Variants in SLC2A13 observed in about 807,000 individuals in gnomAD.
The protein encoded by SLC2A13 is solute carrier family 2 member 13, also known as proton myo-inositol cotransporter.
A neutral mutation model predicts 64.4 loss-of-function variants in SLC2A13; 32 were observed. The observed-to-expected ratio is 0.50, with a 90% CI of 0.37 to 0.67. SLC2A13 has a LOEUF of 0.67. Ranked by LOEUF, SLC2A13 falls within the 30% of genes least tolerant of loss-of-function variation. SLC2A13 has a pLI of 0.00. For synonymous variants in SLC2A13, 338 were observed against 327.1 expected, an observed-to-expected ratio of 1.03 and a Z score of -0.36; for missense variants, 743 against 829.2, an observed-to-expected ratio of 0.90 and a Z score of 1.28.
chr12:40,007,617 T>C (rs1947447814), intron 3 of SLC2A13, among the ~76,000 whole-genome samples: 1 of 152,210 alleles, frequency 6.6e-6, no homozygotes, highest in Non-Finnish European at 1.5e-5. Flanking sequence ...GAAGAGTGTA[T>C]ACTGTTCTAA....
chr12:40,069,911 A>G (rs1565613620), intron 1 of SLC2A13, among the ~76,000 whole-genome samples: 1 of 152,134 alleles, frequency 6.6e-6, no homozygotes, highest in Non-Finnish European at 1.5e-5. Flanking sequence ...TCAGTTTAAG[A>G]GAGCTATTTG....
At chr12:39,783,226 T>C (rs952248828) in intron 7 of SLC2A13, among the ~76,000 whole-genome samples, 2 of 152,248 alleles carry the variant, frequency 1.3e-5, no homozygotes, top group African/African-American at 4.8e-5. Flanking sequence ...CTGCATAGTA[T>C]TCCATGGTGT....
intron 4 of SLC2A13, among the ~76,000 whole-genome samples, chr12:39,920,859 C>T (rs1424050735): frequency 5.9e-5 from 9 of 152,044 alleles, no homozygotes; most frequent in African/African-American, 1.9e-4. Context: ...TGCTAAATGC[C>T]AGGACCTATG....
chr12:39,858,559 G>A (rs1943669157), intron 6 of SLC2A13, among the ~76,000 whole-genome samples: 1 of 152,166 alleles, frequency 6.6e-6, no homozygotes, highest in South Asian at 2.1e-4. Context: ...TTACCAGGAT[G>A]TCAAATACTG....
At chr12:39,832,372 G>T (rs762320101) in intron 6 of SLC2A13, among the ~76,000 whole-genome samples, 1 of 152,076 alleles carries the variant, frequency 6.6e-6, no homozygotes, top group Non-Finnish European at 1.5e-5. Context: ...CATTTGCAGA[G>T]AAATTATTCT....
At chr12:40,090,282 T>G (rs1938721103) in intron 1 of SLC2A13, among the ~76,000 whole-genome samples, 1 of 152,198 alleles carries the variant, frequency 6.6e-6, no homozygotes, top group Non-Finnish European at 1.5e-5. Flanking sequence ...TATTTTATAA[T>G]TTTGCTAGAA....
At chr12:40,070,463 G>A (rs758410270) in intron 1 of SLC2A13, among the ~76,000 whole-genome samples, 3 of 152,006 alleles carry the variant, frequency 2.0e-5, no homozygotes, top group South Asian at 2.1e-4. Context: ...ACTTCACTTC[G>A]CTTGGTACTT....
At chr12:39,760,393 C>A in intron 9 of SLC2A13, 141 bp from the exon 10 acceptor site, 1 of 653,352 alleles carries the variant, frequency 1.5e-6, no homozygotes, top group East Asian at 2.7e-5. Flanking sequence ...TTACTATGAA[C>A]CTGGTTTACT....
intron 1 of SLC2A13, among the ~76,000 whole-genome samples, chr12:40,073,646 C>A (rs1480134375): frequency 6.6e-6 from 1 of 152,004 alleles, no homozygotes; most frequent in Non-Finnish European, 1.5e-5. Context: ...AAAAATTTAA[C>A]AGGGTACAAA....
At chr12:39,959,256 G>A (rs187378870) in intron 3 of SLC2A13, among the ~76,000 whole-genome samples, 12 of 152,308 alleles carry the variant, frequency 7.9e-5, no homozygotes, top group African/African-American at 2.9e-4. Flanking sequence ...CACATGTTCT[G>A]CTTGAAAGAA....
chr12:39,943,121 T>C (rs1303836047), intron 4 of SLC2A13, among the ~76,000 whole-genome samples: 1 of 152,186 alleles, frequency 6.6e-6, no homozygotes, highest in Non-Finnish European at 1.5e-5. Context: ...TTCCTTCCTC[T>C]GGAAGCTTCG....
intron 2 of SLC2A13, among the ~76,000 whole-genome samples, chr12:40,037,684 A>G (rs533724713): frequency 6.6e-6 from 1 of 152,012 alleles, no homozygotes; most frequent in African/African-American, 2.4e-5. Flanking sequence ...TTTGCAGGTA[A>G]CTTATTAATA....
At chr12:40,050,773 G>T (rs1168809580) in intron 1 of SLC2A13, among the ~76,000 whole-genome samples, 3 of 152,152 alleles carry the variant, frequency 2.0e-5, no homozygotes, top group African/African-American at 4.8e-5. Context: ...GTAAGGGAAG[G>T]CTCTGGAACC....
chr12:39,802,067 G>A (rs1423334678), intron 7 of SLC2A13, among the ~76,000 whole-genome samples: 1 of 152,162 alleles, frequency 6.6e-6, no homozygotes, highest in Non-Finnish European at 1.5e-5. Flanking sequence ...ATATAATAGA[G>A]AAGCACTAAG....
intron 4 of SLC2A13, among the ~76,000 whole-genome samples, chr12:39,900,576 C>G (rs949530304): frequency 6.6e-6 from 1 of 152,094 alleles, no homozygotes; most frequent in Non-Finnish European, 1.5e-5. Flanking sequence ...CATGAGTGAA[C>G]TCCTATTCAC....
At chr12:40,097,554 G>C (rs1453340411) in intron 1 of SLC2A13, among the ~76,000 whole-genome samples, 2 of 152,094 alleles carry the variant, frequency 1.3e-5, no homozygotes, top group Admixed American at 1.3e-4. Context: ...AAATAGGTCA[G>C]GGACGTGAAA....
At chr12:39,838,983 A>C (rs958694873) in intron 6 of SLC2A13, among the ~76,000 whole-genome samples, 1 of 152,102 alleles carries the variant, frequency 6.6e-6, no homozygotes, top group Admixed American at 6.6e-5. Context: ...GGAATGATCC[A>C]TGGCCACAGG....
At chr12:39,767,457 T>G (rs1940401385) in intron 7 of SLC2A13, among the ~76,000 whole-genome samples, 1 of 152,016 alleles carries the variant, frequency 6.6e-6, no homozygotes, top group Admixed American at 6.6e-5. Context: ...CTAGGATTTT[T>G]GGAGCGGCAA....
intron 4 of SLC2A13, among the ~76,000 whole-genome samples, chr12:39,889,509 A>AC (rs987466803): frequency 2.3e-4 from 35 of 150,082 alleles, no homozygotes; most frequent in African/African-American, 6.8e-4. Flanking sequence ...GGCCGACTTT[A>AC]CGCTTCAGTG....
Sources: allele counts gnomAD v4.1 joint callset (sites outside exome capture counted in the v4.1 genomes callset), GRCh38; gene constraint gnomAD v4.1.1; transcripts MANE v1.5; gene names NCBI Gene and HGNC (gene_info 2026-07-23, HGNC 2026-07-21).